The following C4orf17 variants were observed in gnomAD, a reference collection of about 807,000 sequenced individuals.
C4orf17 encodes uncharacterized protein C4orf17.
A neutral mutation model predicts 32.0 loss-of-function variants in C4orf17; 25 were observed. That is an observed-to-expected ratio of 0.78 (90% confidence interval 0.57 to 1.09). C4orf17 has a LOEUF of 1.09. C4orf17 is among the 50% of genes least tolerant of loss of function. The pLI is 0.00. For missense variants in C4orf17, 420 were observed against 420.0 expected, an observed-to-expected ratio of 1.00 and a Z score of 0.00; for synonymous variants, 149 against 145.8, an observed-to-expected ratio of 1.02 and a Z score of -0.16.
intron 5 of C4orf17, 24 bp from the exon 6 acceptor site, chr4:99,537,645 T>C (rs1202980390): frequency 6.4e-7 from 1 of 1,556,256 alleles, no homozygotes; most frequent in Non-Finnish European, 8.8e-7. Flanking sequence ...TTTGCTCATA[T>C]GTAACTCTAA....
intron 4 of C4orf17, among the ~76,000 whole-genome samples, chr4:99,525,940 A>T (rs576965518): frequency 2.1e-4 from 32 of 152,256 alleles, no homozygotes; most frequent in Non-Finnish European, 1.2e-4. Flanking sequence ...ATGTGTCTTT[A>T]AAAAATTTGT....
At chr4:99,534,067 A>G (rs1252579962) in intron 5 of C4orf17, among the ~76,000 whole-genome samples, 1 of 152,152 alleles carries the variant, frequency 6.6e-6, no homozygotes, top group African/African-American at 2.4e-5. Context: ...GGTTTGCTGC[A>G]CAGATTATCC....
intron 5 of C4orf17, 88 bp from the exon 6 acceptor site, chr4:99,537,581 G>A (rs1424666308): frequency 1.1e-6 from 1 of 910,338 alleles, no homozygotes; most frequent in African/African-American, 1.6e-5. Flanking sequence ...TGATATTTGG[G>A]AAGATGGGAT....
intron 4 of C4orf17, among the ~76,000 whole-genome samples, chr4:99,525,251 G>A (rs1723367077): frequency 6.6e-6 from 1 of 152,116 alleles, no homozygotes; most frequent in African/African-American, 2.4e-5. Flanking sequence ...TAGCCAAATT[G>A]TTTTCCAAAA....
chr4:99,517,323 G>A (rs567181421), intron 2 of C4orf17, among the ~76,000 whole-genome samples: 56 of 152,262 alleles, frequency 3.7e-4, no homozygotes, highest in Admixed American at 2.7e-3. Flanking sequence ...ACAGCAAGGG[G>A]AATGGATTCA....
chr4:99,520,143 G>T (rs1723260921), intron 2 of C4orf17, among the ~76,000 whole-genome samples: 1 of 145,070 alleles, frequency 6.9e-6, no homozygotes, highest in South Asian at 2.1e-4. Flanking sequence ...AGGCCGGACT[G>T]CAGTGGTGCT....
chr4:99,518,585 G>GAGA (rs1560585698), intron 2 of C4orf17, among the ~76,000 whole-genome samples: 15 of 61,092 alleles, frequency 2.5e-4, no homozygotes, highest in South Asian at 5.7e-4. Context: ...AGAGAGAGAG[G>GAGA]GAGGGAGACA....
chr4:99,525,707 T>A (rs1012365368), intron 4 of C4orf17, among the ~76,000 whole-genome samples: 7 of 151,956 alleles, frequency 4.6e-5, no homozygotes, highest in African/African-American at 1.5e-4. Flanking sequence ...GGCAGGGGAA[T>A]TGCTTGAATC....
chr4:99,523,250 G>T lies in C4orf17; in HGVS notation c.337+541G>T, dbSNP rs202210616. Among the ~76,000 whole-genome samples, 96 of 150,840 alleles carry T rather than the reference G, an allele frequency of 6.4e-4. No homozygotes were observed. The East Asian group carries it at 8.7e-3, about 14-fold the overall frequency. ...AAAAAGGCACTGATAAAAGTAAAATGTGGAAAAATCCAAAGAGCAAGGTAA... is the reference window on the plus strand; with the variant it reads ...AAAAAGGCACTGATAAAAGTAAAATTTGGAAAAATCCAAAGAGCAAGGTAA... On this transcript the variant is annotated intron_variant, in intron 3 of 8. Coordinates refer to ENST00000326581, the MANE Select transcript of C4orf17 (RefSeq NM_032149.3).
intron 2 of C4orf17, among the ~76,000 whole-genome samples, chr4:99,520,662 T>C (rs1361086644): frequency 6.6e-6 from 1 of 152,108 alleles, no homozygotes; most frequent in Non-Finnish European, 1.5e-5. Context: ...GAAAGAAAAA[T>C]TTCAATTCCA....
chr4:99,539,396 A>G (rs141198881), intron 7 of C4orf17, 26 bp downstream of exon 7: 1 of 1,544,310 alleles, frequency 6.5e-7, no homozygotes, highest in Admixed American at 1.7e-5. Context: ...GGCCCCCTAG[A>G]GGGAGGGCCT....
At chr4:99,539,016 T>C in intron 6 of C4orf17, 147 bp from the exon 7 acceptor site, 1 of 750,002 alleles carries the variant, frequency 1.3e-6, no homozygotes. Flanking sequence ...CCAACTTTTC[T>C]GCAGAAGTCC....
chr4:99,518,538 T>TAGAGAGAGAG (rs1560585518), intron 2 of C4orf17, among the ~76,000 whole-genome samples: 3 of 72,270 alleles, frequency 4.2e-5, no homozygotes, highest in Non-Finnish European at 7.2e-5. Context: ...TATATATATA[T>TAGAGAGAGAG]ATATATAGAG....
chr4:99,539,313 A>AT lies in C4orf17; in HGVS notation c.783dup (p.Thr262TyrfsTer25), dbSNP rs764261319. On this transcript the variant is annotated frameshift_variant, in exon 7 of 9. Coordinates refer to ENST00000326581, the MANE Select transcript of C4orf17 (RefSeq NM_032149.3). LOFTEE classifies it high-confidence loss of function. The stretch of plus-strand genomic sequence containing the variant: ...CCACCCACAGTTAAATTGCCCCCAA[A>AT]TTTTACTGCAAAATCAAAAGTGCTG... The AT allele has an allele frequency of 6.2e-7, 1 of 1,614,054 alleles. No homozygotes were observed. Among genetic ancestry groups the AT allele is most frequent in the South Asian group, 1.1e-5 (1 of 91,072 alleles).
intron 2 of C4orf17, among the ~76,000 whole-genome samples, chr4:99,518,588 G>C (rs1239452201): frequency 8.3e-6 from 1 of 119,860 alleles, no homozygotes; most frequent in African/African-American, 3.9e-5. Context: ...GAGAGAGGGA[G>C]GGAGACAGAG....
At chr4:99,534,205 C>T (rs1723523413) in intron 5 of C4orf17, among the ~76,000 whole-genome samples, 1 of 152,138 alleles carries the variant, frequency 6.6e-6, no homozygotes, top group Non-Finnish European at 1.5e-5. Flanking sequence ...TCTCATTGTT[C>T]AGCTCCCACT....
chr4:99,527,077 A>G (rs939884168), intron 4 of C4orf17, among the ~76,000 whole-genome samples: 1 of 151,942 alleles, frequency 6.6e-6, no homozygotes, highest in African/African-American at 2.4e-5. Flanking sequence ...TGCATCCCCC[A>G]ATTTTACTGT....
At chr4:99,537,404 G>T (rs10022775) in intron 5 of C4orf17, among the ~76,000 whole-genome samples, 22,692 of 152,058 alleles carry the variant, frequency 0.15, 1,729 homozygotes, top group South Asian at 0.28. Flanking sequence ...CGCAGCTAAT[G>T]CCCTCTTGTG....
chr4:99,540,505 A>G (rs760606857), intron 8 of C4orf17, 50 bp downstream of exon 8: 1 of 1,186,058 alleles, frequency 8.4e-7, no homozygotes, highest in Admixed American at 1.8e-5. Flanking sequence ...GAAACCAGTA[A>G]GTACTAATGA....
Sources: gnomAD v4.1 joint callset for allele counts (sites outside exome capture counted in the v4.1 genomes callset) on GRCh38, gnomAD v4.1.1 for gene constraint, MANE v1.5 for transcripts, NCBI Gene and HGNC (gene_info 2026-07-23, HGNC 2026-07-21) for gene names.